PDE9A: variants seen among roughly 807,000 people sequenced by gnomAD.
PDE9A encodes phosphodiesterase 9A, also known as high affinity cGMP-specific 3',5'-cyclic phosphodiesterase 9A.
In PDE9A, 60 loss-of-function variants were observed where a neutral mutation model predicts 87.4. That is an observed-to-expected ratio of 0.69 (90% confidence interval 0.56 to 0.85). The LOEUF (loss-of-function observed/expected upper bound fraction) is 0.85, where lower values mean the gene tolerates loss of function less well. Among genes scored for constraint, PDE9A ranks in the 40% least tolerant of loss-of-function variants. PDE9A has a pLI of 0.00. For synonymous variants in PDE9A, 272 were observed against 279.4 expected (o/e 0.97, Z 0.27); for missense variants, 665 against 779.0 (o/e 0.85, Z 1.74).
intron 4 of PDE9A, among the ~76,000 whole-genome samples, chr21:42,706,279 G>A (rs1943812768): frequency 6.6e-6 from 1 of 152,220 alleles, no homozygotes; most frequent in African/African-American, 2.4e-5. Flanking sequence ...AAAAATCTCA[G>A]TCATTTTTAT....
At chr21:42,773,777 G>A (rs1177989384) in intron 19 of PDE9A, among the ~76,000 whole-genome samples, 1 of 149,766 alleles carries the variant, frequency 6.7e-6, no homozygotes, top group Admixed American at 6.8e-5. Flanking sequence ...CTCCAGCCTG[G>A]GCAACAGAGC....
chr21:42,764,976 T>G (rs2056222926), intron 14 of PDE9A, among the ~76,000 whole-genome samples: 1 of 138,488 alleles, frequency 7.2e-6, no homozygotes, highest in Non-Finnish European at 1.5e-5. Context: ...GCTTGTGGGG[T>G]GGGTGGGTGG....
Position 42,720,150 on chromosome 21 carries a change from T to C in PDE9A, c.263-11620T>C, listed in dbSNP as rs554840902. ...CCAGCTGGTGGCTCCCAAATTCAAA[T>C]TCCCCCAGCGGCATCCGTTCGGTTA... On this transcript the variant is annotated intron_variant, in intron 4 of 19. Coordinates refer to ENST00000291539, the MANE Select transcript of PDE9A (RefSeq NM_002606.3). Among the ~76,000 whole-genome samples the C allele has an allele frequency of 2.6e-5, 4 of 152,254 alleles. No homozygotes were observed. In the East Asian group the frequency reaches 7.7e-4, roughly 29 times the overall value.
chr21:42,693,362 G>A (rs749092910), intron 3 of PDE9A, among the ~76,000 whole-genome samples: 65 of 149,816 alleles, frequency 4.3e-4, no homozygotes, highest in Non-Finnish European at 8.3e-4. Flanking sequence ...GCAGTGGCGC[G>A]ATCTCGGCTC....
chr21:42,693,881 C>T (rs1207357790), intron 3 of PDE9A, among the ~76,000 whole-genome samples: 5 of 152,142 alleles, frequency 3.3e-5, no homozygotes, highest in Non-Finnish European at 5.9e-5. Context: ...CGTGAGCCAC[C>T]ATGCCCAGCC....
intron 4 of PDE9A, among the ~76,000 whole-genome samples, chr21:42,731,168 G>A (rs1330060173): frequency 4.6e-5 from 7 of 152,182 alleles, no homozygotes; most frequent in Admixed American, 4.6e-4. Flanking sequence ...ATGTTGGTCA[G>A]GCTGGTCTCG....
Position 42,694,274 on chromosome 21 carries a change from G to T in PDE9A, c.219-4694G>T, listed in dbSNP as rs1602101297. ...CTTCTGAAGTCACCTGCAGTGACTT[G>T]GTGTGGACTTGGTCACCTCACTGTC... is the stretch of plus-strand genomic sequence containing the variant. On this transcript the variant is annotated intron_variant, in intron 3 of 19. Transcript: ENST00000291539. The surrounding 1 kb of genome is among the most constrained non-coding windows in gnomAD (Gnocchi z 5.3). 6.6e-6 allele frequency among the ~76,000 whole-genome samples: 1 copy of T among 152,196 alleles called. No homozygotes were observed. The highest frequency in any genetic ancestry group is 2.4e-5 in the African/African-American group (1 of 41,442).
chr21:42,717,035 A>G (rs2049998881), intron 4 of PDE9A, among the ~76,000 whole-genome samples: 1 of 151,376 alleles, frequency 6.6e-6, no homozygotes, highest in South Asian at 2.1e-4. Flanking sequence ...TATAGGCGTG[A>G]TTATAGGCCA....
chr21:42,768,394 C>A (rs67260236), intron 16 of PDE9A, 102 bp downstream of exon 16: 384,714 of 1,012,740 alleles, frequency 0.38, 76,311 homozygotes, highest in African/African-American at 0.59. Flanking sequence ...CCGCATATTC[C>A]CCGGGCTGCC....
At chr21:42,671,088 G>C (rs2058540936) in intron 1 of PDE9A, among the ~76,000 whole-genome samples, 1 of 152,104 alleles carries the variant, frequency 6.6e-6, no homozygotes, top group African/African-American at 2.4e-5. Context: ...TTCTACTCCA[G>C]AGAACCGCGT....
chr21:42,757,726 G>A (rs2094704225), intron 10 of PDE9A: 1 of 152,236 alleles, frequency 6.6e-6, no homozygotes, highest in Non-Finnish European at 1.5e-5. Context: ...TGGCCAGCAA[G>A]ATGGCCGCCT....
chr21:42,696,183 T>G lies in PDE9A; in HGVS notation c.219-2785T>G, dbSNP rs1470393470. Among the ~76,000 whole-genome samples, 1 of 152,152 alleles carries G rather than the reference T, an allele frequency of 6.6e-6. No homozygotes were observed. Among genetic ancestry groups the G allele is most frequent in the Non-Finnish European group, 1.5e-5 (1 of 68,026 alleles). On this transcript the variant is annotated intron_variant, in intron 3 of 19. Transcript: ENST00000291539. This position sits in a 1 kb window ranked among gnomAD's most constrained non-coding sequence, Gnocchi z 5.1. Reference sequence around the variant, plus strand: ...GCCCCTGTATGAGGGGAAGTTGTCTTGGTAAGCCTGTTTTTGTGTCAGGTC... The same window carrying G: ...GCCCCTGTATGAGGGGAAGTTGTCTGGGTAAGCCTGTTTTTGTGTCAGGTC...
chr21:42,660,685 C>T lies in PDE9A; in HGVS notation c.69+6802C>T, dbSNP rs1033510314. Among the ~76,000 whole-genome samples the T allele has an allele frequency of 1.3e-5, 2 of 152,052 alleles. No homozygotes were observed. ...AGAAAGTGCACAAGCAAGGGTCCAT[C>T]TGCAGGAGTTGGAGGAGCGCATGCC... On this transcript the variant is annotated intron_variant, in intron 1 of 19. Transcript: ENST00000291539. This position sits in a 1 kb window ranked among gnomAD's most constrained non-coding sequence, Gnocchi z 4.7.
rs386352388 is a variant in PDE9A, at chr21:42,760,908, G to A, written c.1085+1G>A. ...TGGACCATCCCGGCTACAACAACAC[G>A]TATGTACAGGATTTTCTCTTTTTTT... On this transcript the variant is annotated splice_donor_variant, in intron 13 of 19. Coordinates refer to ENST00000291539, the MANE Select transcript of PDE9A (RefSeq NM_002606.3). LOFTEE classifies it high-confidence loss of function. This position sits in a 1 kb window ranked among gnomAD's most constrained non-coding sequence, Gnocchi z 5.2. The A allele has an allele frequency of 1.4e-5, 22 of 1,594,682 alleles. No individual in the cohort carries two copies. The highest frequency in any genetic ancestry group is 2.7e-5 in the African/African-American group (2 of 74,472).
intron 1 of PDE9A, among the ~76,000 whole-genome samples, chr21:42,664,853 G>A (rs376545788): frequency 2.6e-5 from 4 of 152,344 alleles, no homozygotes; most frequent in South Asian, 4.1e-4. Flanking sequence ...CTGTCACCAC[G>A]TCCTGCCATT....
At chr21:42,681,525 C>T (rs954825727) in intron 1 of PDE9A, among the ~76,000 whole-genome samples, 1 of 152,280 alleles carries the variant, frequency 6.6e-6, no homozygotes, top group Non-Finnish European at 1.5e-5. Flanking sequence ...TAAGTGTCAG[C>T]CTTCTCTAAT....
chr21:42,726,620 A>ATT (rs1246828424), intron 4 of PDE9A, among the ~76,000 whole-genome samples: 35 of 24,222 alleles, frequency 1.4e-3, no homozygotes, highest in Admixed American at 2.2e-3. Context: ...ATATATATAT[A>ATT]TATATTTTTT....
rs563962639 is a variant in PDE9A, at chr21:42,705,180, G to T, written c.262+6169G>T. Reference sequence around the variant, plus strand: ...TCTTCTGTAGAAAAATGCTCTCTTCGCCTGATCATGGGAGGGAATCAAATG... The same window carrying T: ...TCTTCTGTAGAAAAATGCTCTCTTCTCCTGATCATGGGAGGGAATCAAATG... On this transcript the variant is annotated intron_variant, in intron 4 of 19. Transcript: ENST00000291539. The surrounding 1 kb of genome is among the most constrained non-coding windows in gnomAD (Gnocchi z 4.3). Among the ~76,000 whole-genome samples the T allele has an allele frequency of 1.3e-5, 2 of 152,132 alleles. No homozygotes were observed. The highest frequency in any genetic ancestry group is 4.1e-4 in the South Asian group (2 of 4,824).
rs115032239 is a variant in PDE9A at position 42,750,837 on chromosome 21, G to A, written c.654-279G>A. Among the ~76,000 whole-genome samples the A allele has an allele frequency of 7.9e-3, 1,193 of 151,506 alleles. 16 individuals are homozygous for A. Among genetic ancestry groups the A allele is most frequent in the African/African-American group, 0.027 (1,131 of 41,236 alleles). On this transcript the variant is annotated intron_variant, in intron 8 of 19. Transcript: ENST00000291539. ...CCTGACCTCATGATCATCCCGCCTCGACTTCCCAAAGTGCTGGGATTGCAG... is the reference window on the plus strand; with the variant it reads ...CCTGACCTCATGATCATCCCGCCTCAACTTCCCAAAGTGCTGGGATTGCAG...
Sources: allele counts gnomAD v4.1 joint callset (sites outside exome capture counted in the v4.1 genomes callset), GRCh38; gene constraint gnomAD v4.1.1; non-coding constraint Gnocchi (gnomAD v3.1); transcripts MANE v1.5; gene names NCBI Gene and HGNC (gene_info 2026-07-23, HGNC 2026-07-21).